Variants in TMED3 observed in about 807,000 individuals in gnomAD.
TMED3 encodes transmembrane emp24 domain-containing protein 3.
A neutral mutation model predicts 15.0 loss-of-function variants in TMED3; 9 were observed. That is an observed-to-expected ratio of 0.60 (90% CI 0.36 to 1.04). The LOEUF (loss-of-function observed/expected upper bound fraction) is 1.04. Among genes scored for constraint, TMED3 ranks in the 50% least tolerant of loss-of-function variants. The pLI is 0.01. For synonymous variants in TMED3, 117 were observed against 121.4 expected, an observed-to-expected ratio of 0.96 and a Z score of 0.24; for missense variants, 267 against 278.9, an observed-to-expected ratio of 0.96 and a Z score of 0.30.
exon 3 of TMED3, chr15:79,411,544 A>G: frequency 1.4e-6 from 1 of 699,984 alleles, no homozygotes. Flanking sequence ...GGATGGAGGG[A>G]AGACACAGAA....
chr15:79,327,128 C>G (rs530520691), downstream of TMED3, among the ~76,000 whole-genome samples: 1 of 152,240 alleles, frequency 6.6e-6, no homozygotes, highest in East Asian at 1.9e-4. Flanking sequence ...GCCCCCATGG[C>G]CCAAACACCT....
chr15:79,383,675 T>C (rs1266856147), intron 2 of TMED3: 1 of 152,402 alleles, frequency 6.6e-6, no homozygotes, highest in Admixed American at 6.5e-5. Flanking sequence ...GAGGAATCAG[T>C]CACATAGATA....
chr15:79,350,698 A>C (rs899854365), intron 2 of TMED3, among the ~76,000 whole-genome samples: 6 of 152,254 alleles, frequency 3.9e-5, no homozygotes, highest in Non-Finnish European at 5.9e-5. Context: ...CCTCACAGAC[A>C]CACCCAGGAA....
At chr15:79,372,332 C>G (rs1469807046) in intron 2 of TMED3, among the ~76,000 whole-genome samples, 1 of 152,172 alleles carries the variant, frequency 6.6e-6, no homozygotes, top group Non-Finnish European at 1.5e-5. Context: ...ATGAAATTAA[C>G]TTTTATTGTT....
intron 2 of TMED3, among the ~76,000 whole-genome samples, chr15:79,400,693 G>A (rs1379929129): frequency 1.3e-5 from 2 of 152,150 alleles, no homozygotes; most frequent in Non-Finnish European, 2.9e-5. Flanking sequence ...CTCATTTAAT[G>A]AGAAATGAAC....
intron 2 of TMED3, chr15:79,383,661 T>C (rs1225863615): frequency 2.0e-5 from 3 of 152,428 alleles, no homozygotes; most frequent in African/African-American, 7.2e-5. Context: ...CCAGAGATTT[T>C]ATTGAGGAAT....
At chr15:79,352,679 T>A (rs1160905820) in intron 2 of TMED3, among the ~76,000 whole-genome samples, 4 of 143,160 alleles carry the variant, frequency 2.8e-5, no homozygotes, top group East Asian at 4.0e-4. Context: ...AAAAAATATA[T>A]ATATATATGT....
chr15:79,370,741 GAT>G (rs1893323617), intron 2 of TMED3, among the ~76,000 whole-genome samples: 1 of 152,184 alleles, frequency 6.6e-6, no homozygotes, highest in African/African-American at 2.4e-5. Flanking sequence ...GGAACCTGTG[GAT>G]ATAGTTTTGA....
intron 2 of TMED3, among the ~76,000 whole-genome samples, chr15:79,388,450 T>C (rs1893655741): frequency 6.6e-6 from 1 of 152,086 alleles, no homozygotes; most frequent in Admixed American, 6.6e-5. Flanking sequence ...GGCTGAGTAG[T>C]ATTCAATTTT....
At chr15:79,373,550 G>A (rs1212758150) in intron 2 of TMED3, among the ~76,000 whole-genome samples, 4 of 152,174 alleles carry the variant, frequency 2.6e-5, no homozygotes, top group African/African-American at 9.7e-5. Flanking sequence ...CCTCAAGACA[G>A]ACAGCCTCTC....
At chr15:79,389,403 TA>T (rs1177878966) in intron 2 of TMED3, among the ~76,000 whole-genome samples, 1 of 152,170 alleles carries the variant, frequency 6.6e-6, no homozygotes, top group Non-Finnish European at 1.5e-5. Flanking sequence ...TGTCTGTAAG[TA>T]TTTGGGTTTA....
chr15:79,352,924 T>C lies in TMED3; in HGVS notation c.417+38919T>C, dbSNP rs1460299713. Among the ~76,000 whole-genome samples the C allele has an allele frequency of 4.1e-5, 5 of 120,730 alleles. No homozygotes were observed. The Admixed American group carries it at 5.3e-4, about 13-fold the overall frequency. 79.2% of individuals were successfully genotyped at this position (120,730 alleles called of 152,430 possible). A position where few individuals can be genotyped will look rare whatever the true frequency, so the allele number is the denominator to read the frequency against. ...ATATACATATAATATATATAAAATA[T>C]ATATAATATATATACATATATAATA... On this transcript the variant is annotated intron_variant, in intron 2 of 2. Transcript: ENST00000424155.
At chr15:79,343,037 G>T (rs2058857061) in intron 2 of TMED3, among the ~76,000 whole-genome samples, 1 of 152,102 alleles carries the variant, frequency 6.6e-6, no homozygotes, top group Admixed American at 6.6e-5. Context: ...TTTCAGCTAG[G>T]AGAAAGAGCA....
chr15:79,411,335 A>G, intron 2 of TMED3: 1 of 694,862 alleles, frequency 1.4e-6, no homozygotes. Context: ...GGAGGGCTTT[A>G]TCCTGGGCAG....
downstream of TMED3, chr15:79,323,012 A>G (rs2058774602): frequency 1.8e-6 from 1 of 569,120 alleles, no homozygotes; most frequent in African/African-American, 2.0e-5. Flanking sequence ...AGGTGACTGA[A>G]AACAAAATAG....
chr15:79,361,202 G>A (rs950028377), intron 2 of TMED3, among the ~76,000 whole-genome samples: 1 of 152,156 alleles, frequency 6.6e-6, no homozygotes, highest in Non-Finnish European at 1.5e-5. Context: ...AAGTGTTGAA[G>A]TTCCAATTCT....
intron 2 of TMED3, among the ~76,000 whole-genome samples, chr15:79,364,430 T>G (rs960975785): frequency 2.0e-5 from 3 of 151,858 alleles, no homozygotes; most frequent in African/African-American, 7.3e-5. Flanking sequence ...TTGATACGGA[T>G]AGGAGACAGA....
At chr15:79,413,046 A>T (rs1235189860) in exon 3 of TMED3, 1 of 152,140 alleles carries the variant, frequency 6.6e-6, no homozygotes, top group African/African-American at 2.4e-5. Flanking sequence ...ATCAAATAGG[A>T]TACAAGAGAA....
chr15:79,360,969 C>T (rs1200415776), intron 2 of TMED3, among the ~76,000 whole-genome samples: 1 of 148,768 alleles, frequency 6.7e-6, no homozygotes, highest in African/African-American at 2.5e-5. Context: ...CTGCCTCAGC[C>T]TCCCAAGCAG....
Sources: allele counts gnomAD v4.1 joint callset (sites outside exome capture counted in the v4.1 genomes callset), GRCh38; gene constraint gnomAD v4.1.1; transcripts MANE v1.5; gene names NCBI Gene and HGNC (gene_info 2026-07-23, HGNC 2026-07-21).